GYG1: variants seen among roughly 807,000 people sequenced by gnomAD.
GYG1 encodes glycogenin-1.
GYG1 carries 44 observed loss-of-function variants against 41.9 expected under a neutral mutation model. The ratio of observed to expected loss-of-function variants is 1.05; its 90% confidence interval spans 0.83 to 1.35. The LOEUF is 1.35. Among genes scored for constraint, GYG1 ranks in the 40% most tolerant of loss-of-function variants. GYG1 has a pLI of 0.00. For missense variants in GYG1, 429 were observed against 418.9 expected, an observed-to-expected ratio of 1.02 and a Z score of -0.21; for synonymous variants, 141 against 158.1, an observed-to-expected ratio of 0.89 and a Z score of 0.81.
At chr3:148,991,736 G>A in intron 1 of GYG1, 89 bp downstream of exon 1, 1 of 1,104,298 alleles carries the variant, frequency 9.1e-7, no homozygotes, top group African/African-American at 1.6e-5. Context: ...CTCAGCCCCG[G>A]AGTGTTCCCG....
chr3:149,021,352 G>A (rs555002603), intron 5 of GYG1, among the ~76,000 whole-genome samples: 1 of 152,318 alleles, frequency 6.6e-6, no homozygotes, highest in Non-Finnish European at 1.5e-5. Context: ...ATTAAATAGA[G>A]CAAGAGTGTT....
In GYG1 at chr3:149,026,762, A is replaced by G. The variant is rs752513837; in HGVS notation, c.882A>G (p.Glu294=). The change falls in exon 8 of 8, where the codon GAA becomes GAG. Residue 294 remains glutamate, a splice_region_variant and synonymous_variant. Coordinates refer to ENST00000345003, the MANE Select transcript of GYG1 (RefSeq NM_004130.4). ...LAFSCGFCRK[E]DVSGAISHLS... is the part of the protein sequence containing the mutation. ...GTCAATTATGCTTTCCTTTCTAGGAAGATGTCTCAGGAGCCATATCACATC... is the reference window on the plus strand; with the variant it reads ...GTCAATTATGCTTTCCTTTCTAGGAGGATGTCTCAGGAGCCATATCACATC... The G allele has an allele frequency of 1.3e-6, 2 of 1,599,260 alleles. No individual in the cohort carries two copies. The highest frequency in any genetic ancestry group is 8.6e-7 in the Non-Finnish European group (1 of 1,166,538).
rs189022910 is a variant in GYG1 at position 149,021,782 on chromosome 3, C to T, written c.609-2271C>T. The stretch of plus-strand genomic sequence containing the variant: ...CCTAACTTTTTTTTTTTTTAATAAA[C>T]TTTAGGGGATAGGAAAGGTTACACG... On this transcript the variant is annotated intron_variant, in intron 5 of 7. Coordinates refer to ENST00000345003, the MANE Select transcript of GYG1 (RefSeq NM_004130.4). 2.4e-3 allele frequency among the ~76,000 whole-genome samples: 365 copies of T among 149,718 alleles called. 1 individual carries two copies. Among genetic ancestry groups the T allele is most frequent in the African/African-American group, 8.6e-3 (349 of 40,726 alleles).
Position 149,009,262 on chromosome 3 carries a change from T to C in GYG1, c.482-14T>C, listed in dbSNP as rs1365158355. On this transcript the variant is annotated splice_polypyrimidine_tract_variant and intron_variant, in intron 4 of 7. Transcript: ENST00000345003. ...AGAGATCTGTTAACTAATTTATATA[T>C]TTTTTTCTTTTAGGTGGGGACCAAG... The C allele has an allele frequency of 6.3e-7, 1 of 1,597,362 alleles. No individual in the cohort carries two copies. The highest frequency in any genetic ancestry group is 1.1e-5 in the South Asian group (1 of 90,708).
In GYG1 at chr3:149,030,395, AT is replaced by A. The variant is rs1341204734; in HGVS notation, c.*3468del. On this transcript the variant is annotated 3_prime_UTR_variant, in exon 8 of 8. Coordinates refer to ENST00000345003, the MANE Select transcript of GYG1 (RefSeq NM_004130.4). ...ACAGAACTGTACAAAACAAAGAGACATTTTTTAAACAACTTGCCAAACTTAC... is the reference window on the plus strand; with the variant it reads ...ACAGAACTGTACAAAACAAAGAGACATTTTTAAACAACTTGCCAAACTTAC... The A allele has an allele frequency of 1.3e-5, 2 of 152,138 alleles. No individual in the cohort carries two copies. The highest frequency in any genetic ancestry group is 2.9e-5 in the Non-Finnish European group (2 of 68,018). The allele number at this position is 152,138 out of a possible 1,614,324, so 9.4% of individuals were successfully genotyped here.
intron 4 of GYG1, among the ~76,000 whole-genome samples, chr3:148,997,275 A>G (rs1576538777): frequency 6.6e-6 from 1 of 152,216 alleles, no homozygotes; most frequent in Non-Finnish European, 1.5e-5. Context: ...AGAGAGTTTG[A>G]CAGCCATTCC....
At position 149,009,381 on chromosome 3, in the gene GYG1, C is replaced by T. The variant is rs1234410633; in HGVS notation, c.587C>T (p.Ser196Phe). Reference protein sequence around the residue: ...IYNLSSISIYSYLPAFKVFGA... With the variant: ...IYNLSSISIYFYLPAFKVFGA... ...AACCTAAGCAGCATCTCTATATACT[C>T]CTACCTCCCGGCATTTAAAGTGTAA... The change falls in exon 5 of 8, where the codon TCC (serine) becomes TTC (phenylalanine). Residue 196 changes from serine (S) to phenylalanine (F), a missense_variant. Transcript: ENST00000345003. 2.5e-6 allele frequency: 4 copies of T among 1,613,268 alleles called. No homozygotes were observed. The African/African-American group carries it at 4.0e-5, about 16-fold the overall frequency.
intron 1 of GYG1, 88 bp downstream of exon 1, chr3:148,991,735 G>A: frequency 1.8e-6 from 2 of 1,114,452 alleles, no homozygotes; most frequent in East Asian, 2.7e-5. Context: ...CCTCAGCCCC[G>A]GAGTGTTCCC....
At chr3:149,003,986 C>T (rs1713253935) in intron 4 of GYG1, 1 of 152,218 alleles carries the variant, frequency 6.6e-6, no homozygotes, top group Non-Finnish European at 1.5e-5. Flanking sequence ...ATAAATGCAT[C>T]CATGGTTACC....
chr3:149,022,103 C>T (rs1008709144), intron 5 of GYG1, among the ~76,000 whole-genome samples: 6 of 152,154 alleles, frequency 3.9e-5, no homozygotes, highest in Admixed American at 2.0e-4. Flanking sequence ...ACCTCTGCTC[C>T]CATTGAAGCT....
At chr3:149,016,515 ATGT>A (rs1163158357) in intron 5 of GYG1, among the ~76,000 whole-genome samples, 2 of 152,018 alleles carry the variant, frequency 1.3e-5, no homozygotes, top group African/African-American at 2.4e-5. Flanking sequence ...CTAGAAGATA[ATGT>A]TGTTGACTAG....
intron 5 of GYG1, among the ~76,000 whole-genome samples, chr3:149,013,526 A>G (rs1713856480): frequency 6.6e-6 from 1 of 152,238 alleles, no homozygotes; most frequent in Admixed American, 6.5e-5. Flanking sequence ...TACTTTCCAT[A>G]TAAATATTTT....
In GYG1 at chr3:148,999,288, C is replaced by T. The variant is rs548821683; in HGVS notation, c.481+2384C>T. On this transcript the variant is annotated intron_variant, in intron 4 of 7. Transcript: ENST00000345003. ...CAGCAGGTTTCCAGGTGCTGGCCAT[C>T]CTCTGAGGTATTCCATTTACTGGCT... Among the ~76,000 whole-genome samples, 12 of 152,262 alleles carry T rather than the reference C, an allele frequency of 7.9e-5. No individual in the cohort carries two copies. The South Asian group carries it at 2.1e-3, about 26-fold the overall frequency.
At chr3:149,018,738 C>G (rs186932599) in intron 5 of GYG1, among the ~76,000 whole-genome samples, 1 of 152,052 alleles carries the variant, frequency 6.6e-6, no homozygotes, top group South Asian at 2.1e-4. Context: ...CTATCCATTT[C>G]CATAGATAGT....
chr3:149,011,616 G>A (rs1713730333), intron 5 of GYG1, among the ~76,000 whole-genome samples: 1 of 152,200 alleles, frequency 6.6e-6, no homozygotes, highest in Non-Finnish European at 1.5e-5. Flanking sequence ...GCAGAGTTAA[G>A]TTTTGAGGGG....
intron 5 of GYG1, among the ~76,000 whole-genome samples, chr3:149,019,491 C>A (rs1224185062): frequency 2.6e-5 from 4 of 152,204 alleles, no homozygotes; most frequent in African/African-American, 9.7e-5. Flanking sequence ...AAAGCAGTCT[C>A]ACCCACATTT....
chr3:148,996,650 C>G (rs1424545607), intron 3 of GYG1, 92 bp from the exon 4 acceptor site: 44 of 1,320,130 alleles, frequency 3.3e-5, no homozygotes, highest in Non-Finnish European at 4.8e-5. Context: ...ACAGCTGTCA[C>G]CATCTTTTGT....
chr3:148,991,638 A>C lies in GYG1; in HGVS notation c.-3A>C. 1 of 1,550,542 alleles carries C rather than the reference A, an allele frequency of 6.4e-7. No homozygotes were observed. Among genetic ancestry groups the C allele is most frequent in the Non-Finnish European group, 8.6e-7 (1 of 1,156,986 alleles). ...CCCGGCCGCCTGCGCACCCGGCAGC[A>C]CCATGACAGGTACCGCCGCGCAGCC... On this transcript the variant is annotated 5_prime_UTR_variant, in exon 1 of 8. Transcript: ENST00000345003.
In GYG1 at chr3:148,996,904, G is replaced by A; in HGVS notation, c.481G>A (p.Gly161Ser). 1.9e-6 allele frequency: 3 copies of A among 1,609,120 alleles called. No homozygotes were observed. Among genetic ancestry groups the A allele is most frequent in the Non-Finnish European group, 2.6e-6 (3 of 1,175,554 alleles). ...HLASEQGSFDGGDQGILNTFF... is the reference protein window; with the variant it reads ...HLASEQGSFDSGDQGILNTFF... ...TGCTTCTGAGCAAGGTAGTTTTGAT[G>A]GTATGTATTTGCTATCTTCATGTCT... Residue 161 changes from glycine to serine, a missense_variant and splice_region_variant, in exon 4 of 8, where the codon GGT (glycine) becomes AGT (serine). Coordinates refer to ENST00000345003, the MANE Select transcript of GYG1 (RefSeq NM_004130.4).
Sources: gnomAD v4.1 joint callset for allele counts (sites outside exome capture counted in the v4.1 genomes callset) on GRCh38, gnomAD v4.1.1 for gene constraint, MANE v1.5 for transcripts, NCBI Gene and HGNC (gene_info 2026-07-23, HGNC 2026-07-21) for gene names.